The following PSEN2 variants were observed in gnomAD, a reference collection of about 807,000 sequenced individuals.
The protein encoded by PSEN2 is presenilin-2.
PSEN2 carries 32 observed loss-of-function variants against 49.1 expected under a neutral mutation model. That is an observed-to-expected ratio of 0.65 (90% CI 0.49 to 0.88). PSEN2 has a LOEUF of 0.88. Among genes scored for constraint, PSEN2 ranks in the 40% least tolerant of loss-of-function variants. PSEN2 has a pLI of 0.00. For synonymous variants in PSEN2, 255 were observed against 244.0 expected, an observed-to-expected ratio of 1.05 and a Z score of -0.42; for missense variants, 522 against 586.9, an observed-to-expected ratio of 0.89 and a Z score of 1.14.
At chr1:226,891,255 G>C in intron 9 of PSEN2, 23 bp from the exon 10 acceptor site, 1 of 1,611,282 alleles carries the variant, frequency 6.2e-7, no homozygotes, top group African/African-American at 1.3e-5. Context: ...CGCCTGAGAT[G>C]TGAACCTTTT....
chr1:226,881,254 GT>G (rs1660967572), intron 3 of PSEN2, among the ~76,000 whole-genome samples: 8 of 152,148 alleles, frequency 5.3e-5, no homozygotes, highest in Admixed American at 4.6e-4. Flanking sequence ...AGGGTGATGT[GT>G]GTCTCCTTAA....
At chr1:226,880,596 G>GATCACTCAGCCTCTGGACAGCA (rs762441628) in intron 3 of PSEN2, 7 of 1,611,164 alleles carry the variant, frequency 4.3e-6, no homozygotes, top group African/African-American at 1.3e-5. Context: ...TCTGGACAGC[G>GATCACTCAGCCTCTGGACAGCA]ATCACTCAGC....
Position 226,883,584 on chromosome 1 carries a change from G to A in PSEN2, c.142-121G>A, listed in dbSNP as rs117724727. 7.4e-3 allele frequency: 6,947 copies of A among 935,538 alleles called. 181 individuals carry two copies. The highest frequency in any genetic ancestry group is 0.047 in the East Asian group (1,802 of 38,130). 58.0% of individuals were successfully genotyped at this position (935,538 alleles called of 1,614,324 possible). A position where few individuals can be genotyped will look rare whatever the true frequency, so the allele number is the denominator to read the frequency against. ...CATATGCCCTAGTAGCTCATAGACT[G>A]CTCCTTATATCTGGAAAGCAACATT... On this transcript the variant is annotated intron_variant, in intron 4 of 12. Coordinates refer to ENST00000366783, the MANE Select transcript of PSEN2 (RefSeq NM_000447.3).
intron 3 of PSEN2, among the ~76,000 whole-genome samples, chr1:226,879,529 C>T (rs1202823548): frequency 6.6e-6 from 1 of 152,178 alleles, no homozygotes; most frequent in African/African-American, 2.4e-5. Context: ...CCCATCCTAC[C>T]AGGTCCCCAC....
intron 6 of PSEN2, among the ~76,000 whole-genome samples, chr1:226,887,560 A>G (rs1267392152): frequency 6.6e-6 from 1 of 152,182 alleles, no homozygotes; most frequent in East Asian, 1.9e-4. Context: ...ACCTTTGGGT[A>G]GGAGGGGACT....
intron 6 of PSEN2, among the ~76,000 whole-genome samples, chr1:226,886,281 A>G (rs1022231150): frequency 1.3e-5 from 2 of 152,168 alleles, no homozygotes; most frequent in Non-Finnish European, 2.9e-5. Flanking sequence ...CTGAAGTTCT[A>G]TTTTAGGCTC....
At chr1:226,876,956 G>T (rs1168560375) in intron 3 of PSEN2, among the ~76,000 whole-genome samples, 1 of 152,084 alleles carries the variant, frequency 6.6e-6, no homozygotes, top group African/African-American at 2.4e-5. Context: ...TCCCCATGCC[G>T]CTCTGCTGGT....
At chr1:226,880,551 C>T (rs201390077) in intron 3 of PSEN2, 1 of 1,569,412 alleles carries the variant, frequency 6.4e-7, no homozygotes, top group South Asian at 1.2e-5. Context: ...GGACAGACAG[C>T]GATCACTCAG....
chr1:226,877,188 A>T (rs974351382), intron 3 of PSEN2, among the ~76,000 whole-genome samples: 2 of 152,192 alleles, frequency 1.3e-5, no homozygotes, highest in Non-Finnish European at 2.9e-5. Context: ...AAAGTCTGAC[A>T]CTGGCTGAGA....
Position 226,889,032 on chromosome 1 carries a change from G to C in PSEN2, c.770G>C (p.Gly257Ala). The C allele has an allele frequency of 6.2e-7, 1 of 1,613,904 alleles. No homozygotes were observed. The highest frequency in any genetic ancestry group is 1.1e-5 in the South Asian group (1 of 91,046). ...GAGTGGTCCGCGTGGGTCATCCTGG[G>C]CGCCATCTCTGTGTATGGTAGGTGG... is the stretch of plus-strand genomic sequence containing the variant. ...LPEWSAWVIL[G>A]AISVYDLVAV... Residue 257 changes from glycine (G) to alanine (A), a missense_variant, in exon 8 of 13, where the codon GGC (glycine) becomes GCC (alanine). Gly to Ala is a moderately conservative substitution (Grantham distance 60). Coordinates refer to ENST00000366783, the MANE Select transcript of PSEN2 (RefSeq NM_000447.3).
chr1:226,895,417 C>T lies in PSEN2; in HGVS notation c.1192-7C>T. On this transcript the variant is annotated splice_region_variant and splice_polypyrimidine_tract_variant and intron_variant, in intron 12 of 12. Transcript: ENST00000366783. Reference sequence around the variant, plus strand: ...ACCACGCTCACCCTCCCCTCCATGTCCTGCAGGGCTTGTGTCTGACCCTCC... The same window carrying T: ...ACCACGCTCACCCTCCCCTCCATGTTCTGCAGGGCTTGTGTCTGACCCTCC... The T allele has an allele frequency of 5.6e-6, 9 of 1,614,046 alleles. No homozygotes were observed. Among genetic ancestry groups the T allele is most frequent in the South Asian group, 2.2e-5 (2 of 91,058 alleles).
At chr1:226,894,167 C>G (rs750959403) in intron 12 of PSEN2, 42 bp downstream of exon 12, 46 of 1,449,312 alleles carry the variant, frequency 3.2e-5, no homozygotes, top group Admixed American at 5.1e-5. Flanking sequence ...GTGGTGGGGG[C>G]CCCCAGGGTC....
chr1:226,888,207 G>C, intron 7 of PSEN2, 49 bp downstream of exon 7: 2 of 1,479,036 alleles, frequency 1.4e-6, no homozygotes, highest in Non-Finnish European at 1.9e-6. Flanking sequence ...TCTCCATGTG[G>C]CACAAGTGGA....
intron 2 of PSEN2, among the ~76,000 whole-genome samples, chr1:226,874,637 G>T (rs1660515306): frequency 6.6e-6 from 1 of 152,178 alleles, no homozygotes; most frequent in Non-Finnish European, 1.5e-5. Flanking sequence ...TTCTCACTGT[G>T]TCCCTCCTCC....
At chr1:226,902,857 A>C (rs562835366) in intron 12 of PSEN2, among the ~76,000 whole-genome samples, 3 of 152,152 alleles carry the variant, frequency 2.0e-5, no homozygotes. Flanking sequence ...GGAGACCCCA[A>C]TTGGCCACCC....
In PSEN2 at chr1:226,888,846, A is replaced by T; in HGVS notation, c.584A>T (p.Tyr195Phe). The change falls in exon 8 of 13, where the codon TAC becomes TTC. Residue 195 changes from tyrosine (Y) to phenylalanine (F), a missense_variant. Transcript: ENST00000366783. ...YIYLGEVLKT[Y>F]NVAMDYPTLL... is the part of the protein sequence containing the mutation. ...TCCTGCAGGGAAGTGCTCAAGACCT[A>T]CAATGTGGCCATGGACTACCCCACC... 5.6e-6 allele frequency: 9 copies of T among 1,614,166 alleles called. No homozygotes were observed. Among genetic ancestry groups the T allele is most frequent in the Non-Finnish European group, 7.6e-6 (9 of 1,180,000 alleles).
intron 2 of PSEN2, among the ~76,000 whole-genome samples, chr1:226,874,457 T>C (rs1660500808): frequency 6.6e-6 from 1 of 152,236 alleles, no homozygotes; most frequent in African/African-American, 2.4e-5. Flanking sequence ...CATTGTCCTA[T>C]GGATATGTCC....
At position 226,880,245 on chromosome 1, in the gene PSEN2, C is replaced by T. The variant is rs563298009; in HGVS notation, c.-20-1643C>T. ...TTTAAAAATTAGCCTAGTATGGTGG[C>T]GTGCATCTGCAGCCCTAGCTACTGA... On this transcript the variant is annotated intron_variant, in intron 3 of 12. Coordinates refer to ENST00000366783, the MANE Select transcript of PSEN2 (RefSeq NM_000447.3). 5.3e-5 allele frequency among the ~76,000 whole-genome samples: 8 copies of T among 152,240 alleles called. No homozygotes were observed. In the East Asian group the frequency reaches 5.8e-4, roughly 11 times the overall value.
intron 4 of PSEN2, 78 bp from the exon 5 acceptor site, chr1:226,883,627 G>T: frequency 7.3e-7 from 1 of 1,365,780 alleles, no homozygotes; most frequent in South Asian, 1.2e-5. Context: ...CTCATTTCTG[G>T]TTCCAAAAAT....
Sources: allele counts gnomAD v4.1 joint callset (sites outside exome capture counted in the v4.1 genomes callset), GRCh38; gene constraint gnomAD v4.1.1; transcripts MANE v1.5; gene names NCBI Gene and HGNC (gene_info 2026-07-23, HGNC 2026-07-21).